TNS2: variants seen among roughly 807,000 people sequenced by gnomAD.
TNS2 encodes the protein tensin-2.
TNS2 carries 77 observed loss-of-function variants against 155.7 expected under a neutral mutation model. The observed-to-expected ratio is 0.49, with a 90% confidence interval of 0.41 to 0.60. The LOEUF (loss-of-function observed/expected upper bound fraction) is 0.60, where lower values mean the gene tolerates loss of function less well. Ranked by LOEUF, TNS2 falls within the 20% of genes least tolerant of loss-of-function variation. The pLI is 0.00. For missense variants in TNS2, 1,703 were observed against 1,868.8 expected, an observed-to-expected ratio of 0.91 and a Z score of 1.64; for synonymous variants, 726 against 763.9, an observed-to-expected ratio of 0.95 and a Z score of 0.82.
chr12:53,051,884 G>A lies in TNS2; in HGVS notation c.105G>A (p.Arg35=). 6.2e-7 allele frequency: 1 copy of A among 1,613,686 alleles called. No homozygotes were observed. Among genetic ancestry groups the A allele is most frequent in the Non-Finnish European group, 8.5e-7 (1 of 1,179,786 alleles). The change falls in exon 2 of 29, where the codon CGG becomes CGA. Residue 35 remains arginine, a synonymous_variant. Coordinates refer to ENST00000314250, the MANE Select transcript of TNS2 (RefSeq NM_170754.4). ...RPRKAEPHSF[R]EKVFRKKPPV... is the part of the protein sequence containing the mutation. ...GGAAAGCTGAGCCTCATAGCTTCCG[G>A]GAGAAGGTTTTCCGGAAGAAACCTC... is the stretch of plus-strand genomic sequence containing the variant.
chr12:53,061,596 G>A (rs1261810697), intron 21 of TNS2, 127 bp downstream of exon 21: 5 of 1,325,834 alleles, frequency 3.8e-6, no homozygotes, highest in Non-Finnish European at 5.2e-6. Flanking sequence ...TTGGCTGAGT[G>A]TTTACCAGCA....
At position 53,058,801 on chromosome 12, in the gene TNS2, A is replaced by G. The variant is rs535274545; in HGVS notation, c.1379A>G (p.Asn460Ser). ...CGCTGGGACTCCTATGAGAACTTCA[A>G]CCAGCACCACGAGGACAGTGTGGAT... ...AVRWDSYENF[N>S]QHHEDSVDGS... Residue 460 changes from asparagine (N) to serine (S), a missense_variant, in exon 17 of 29, where the codon AAC (asparagine) becomes AGC (serine). Coordinates refer to ENST00000314250, the MANE Select transcript of TNS2 (RefSeq NM_170754.4). The G allele has an allele frequency of 5.8e-5, 93 of 1,613,768 alleles. No homozygotes were observed. The highest frequency in any genetic ancestry group is 4.2e-4 in the South Asian group (38 of 91,076).
Position 53,052,460 on chromosome 12 carries a change from A to C in TNS2, c.190A>C (p.Lys64Gln). 1 of 1,613,884 alleles carries C rather than the reference A, an allele frequency of 6.2e-7. No individual in the cohort carries two copies. Among genetic ancestry groups the C allele is most frequent in the Non-Finnish European group, 8.5e-7 (1 of 1,179,866 alleles). Reference protein sequence around the residue: ...DGTGVSCRVCKVATHRKCEAK... With the variant: ...DGTGVSCRVCQVATHRKCEAK... ...CCTCCCCTTACCTTCCCTAGTCTGC[A>C]AGGTGGCGACGCACAGAAAATGTGA... The change falls in exon 3 of 29, where the codon AAG becomes CAG. Residue 64 changes from lysine to glutamine, a missense_variant. Lys to Gln is a moderately conservative substitution (Grantham distance 53, BLOSUM62 1). Coordinates refer to ENST00000314250, the MANE Select transcript of TNS2 (RefSeq NM_170754.4).
rs1248672894 is a variant in TNS2, at chr12:53,054,253, A to G, written c.351-17A>G. The G allele has an allele frequency of 6.2e-6, 10 of 1,611,176 alleles. No homozygotes were observed. Among genetic ancestry groups the G allele is most frequent in the Non-Finnish European group, 8.5e-6 (10 of 1,179,472 alleles). On this transcript the variant is annotated splice_polypyrimidine_tract_variant and intron_variant, in intron 6 of 28. Coordinates refer to ENST00000314250, the MANE Select transcript of TNS2 (RefSeq NM_170754.4). ...GTGCCCCGCCCCTGCGTTCATGCGT[A>G]GGCTCCTCCTCCCCAGGAGCTTCAG...
At chr12:53,056,978 T>A (rs1944182306) in intron 10 of TNS2, 35 bp from the exon 11 acceptor site, 2 of 1,595,822 alleles carry the variant, frequency 1.3e-6, no homozygotes, top group African/African-American at 1.3e-5. Context: ...TGAAGATTAA[T>A]CCCTAATCCC....
intron 7 of TNS2, 125 bp downstream of exon 7, chr12:53,054,566 G>C (rs574399731): frequency 1.7e-6 from 2 of 1,206,242 alleles, no homozygotes; most frequent in African/African-American, 1.6e-5. Flanking sequence ...GTGGTGGGGT[G>C]GGGGCGGGGC....
In TNS2 at chr12:53,057,054, G is replaced by A. The variant is rs756573784; in HGVS notation, c.803G>A (p.Cys268Tyr). 2 of 1,613,808 alleles carry A rather than the reference G, an allele frequency of 1.2e-6. No homozygotes were observed. Among genetic ancestry groups the A allele is most frequent in the Non-Finnish European group, 1.7e-6 (2 of 1,179,930 alleles). Residue 268 changes from cysteine to tyrosine, a missense_variant, in exon 11 of 29, where the codon TGC becomes TAC. Coordinates refer to ENST00000314250, the MANE Select transcript of TNS2 (RefSeq NM_170754.4). ...ALATLTMRKF[C>Y]EDKVATELQP... ...GCCACTCTTACCATGCGGAAATTCT[G>A]CGAGGACAAGGTGGCCACAGAACTG...
intron 25 of TNS2, 142 bp downstream of exon 25, chr12:53,062,839 G>C: frequency 9.2e-7 from 1 of 1,089,330 alleles, no homozygotes; most frequent in Non-Finnish European, 1.3e-6. Flanking sequence ...TACTGTCGGG[G>C]ATGAGGAATT....
chr12:53,061,659 CTG>C, intron 21 of TNS2, 154 bp from the exon 22 acceptor site: 3 of 1,404,710 alleles, frequency 2.1e-6, no homozygotes, highest in Non-Finnish European at 2.9e-6. Flanking sequence ...GTCAAAACCC[CTG>C]TGAACTCTAG....
At chr12:53,047,756 G>A (rs1378682836), upstream of TNS2, among the ~76,000 whole-genome samples, 1 of 152,152 alleles carries the variant, frequency 6.6e-6, no homozygotes. Flanking sequence ...TTCACATGTG[G>A]GACAGAGGCC....
At position 53,059,573 on chromosome 12, in the gene TNS2, C is replaced by T; in HGVS notation, c.1932C>T (p.Cys644=). The T allele has an allele frequency of 6.2e-7, 1 of 1,601,118 alleles. No individual in the cohort carries two copies. Among genetic ancestry groups the T allele is most frequent in the Non-Finnish European group, 8.5e-7 (1 of 1,174,238 alleles). ...AEASMEKRRL[C]RSLSEGLYPY... ...CCTCGATGGAGAAGAGGCGCCTCTG[C>T]CGATCGCTGTCAGAGGGGCTATACC... Residue 644 remains cysteine (C), a synonymous_variant, in exon 18 of 29, where the codon TGC becomes TGT. Coordinates refer to ENST00000314250, the MANE Select transcript of TNS2 (RefSeq NM_170754.4). This position sits in a 1 kb window ranked among gnomAD's most constrained non-coding sequence, Gnocchi z 4.7.
rs142840179 is a variant in TNS2 at position 53,058,017 on chromosome 12, C to G, written c.1020-10C>G. ...CTGGTTCATCTCTGCCTTCTCCTCT[C>G]TCCCCACAGTCACATTGCAGGCCCT... On this transcript the variant is annotated splice_polypyrimidine_tract_variant and intron_variant, in intron 13 of 28. Transcript: ENST00000314250. 36 of 1,614,104 alleles carry G rather than the reference C, an allele frequency of 2.2e-5. No homozygotes were observed. The African/African-American group carries it at 4.7e-4, about 21-fold the overall frequency.
At chr12:53,047,965 G>T (rs573264398), upstream of TNS2, among the ~76,000 whole-genome samples, 31 of 152,216 alleles carry the variant, frequency 2.0e-4, 1 homozygote, top group Non-Finnish European at 4.0e-4. Context: ...TCCAGAAAGG[G>T]GGGTGTGGGT....
chr12:53,050,381 T>C lies in TNS2; in HGVS notation c.75+121T>C, dbSNP rs936153770. ...TTTCAGCTTCCTCAGCCTTCTTCCC[T>C]GGCCCAGCATCCCCTCCGGAGTGGC... On this transcript the variant is annotated intron_variant, in intron 1 of 28. Transcript: ENST00000314250. This position sits in a 1 kb window ranked among gnomAD's most constrained non-coding sequence, Gnocchi z 4.7. 5 of 1,182,804 alleles carry C rather than the reference T, an allele frequency of 4.2e-6. No homozygotes were observed. The Middle Eastern group carries it at 7.1e-4, about 169-fold the overall frequency. 73.3% of individuals were successfully genotyped at this position (1,182,804 alleles called of 1,614,324 possible).
upstream of TNS2, chr12:53,050,016 G>T (rs758246396): frequency 9.9e-6 from 14 of 1,413,952 alleles, no homozygotes; most frequent in Non-Finnish European, 1.2e-5. The surrounding 1 kb of genome is among the most constrained non-coding windows in gnomAD (Gnocchi z 4.7). Context: ...CCCCCTTCCC[G>T]CCTGCACTTC....
chr12:53,055,224 C>T lies in TNS2; in HGVS notation c.561C>T (p.Arg187=). 1 of 1,614,042 alleles carries T rather than the reference C, an allele frequency of 6.2e-7. No homozygotes were observed. The highest frequency in any genetic ancestry group is 2.2e-5 in the East Asian group (1 of 44,872). ...NLSEKRHDLT[R]LNPKVQDFGW... ...CAGAGAAAAGGCATGACCTGACCCG[C>T]TTAAACCCCAAGGTATGAAGGAAAT... Residue 187 remains arginine (R), a synonymous_variant, in exon 8 of 29, where the codon CGC becomes CGT. Coordinates refer to ENST00000314250, the MANE Select transcript of TNS2 (RefSeq NM_170754.4).
intron 13 of TNS2, 39 bp from the exon 14 acceptor site, chr12:53,057,988 G>A (rs1944219990): frequency 1.2e-6 from 2 of 1,613,374 alleles, no homozygotes; most frequent in African/African-American, 1.3e-5. Context: ...GCACGCAGGA[G>A]CTTCTGGTTC....
In TNS2 at chr12:53,059,545, A is replaced by C. The variant is rs1358685746; in HGVS notation, c.1904A>C (p.Glu635Ala). Residue 635 changes from glutamate to alanine, a missense_variant, in exon 18 of 29, where the codon GAG becomes GCG. Glu to Ala is a moderately radical substitution (Grantham distance 107). Coordinates refer to ENST00000314250, the MANE Select transcript of TNS2 (RefSeq NM_170754.4). This position sits in a 1 kb window ranked among gnomAD's most constrained non-coding sequence, Gnocchi z 4.7. The part of the protein sequence containing the change: ...GYEGSPQGYA[E>A]ASMEKRRLCR... ...GAGGGATCCCCCCAGGGCTACGCCG[A>C]GGCCTCGATGGAGAAGAGGCGCCTC... The C allele has an allele frequency of 6.3e-7, 1 of 1,592,814 alleles. No individual in the cohort carries two copies.
Position 53,054,280 on chromosome 12 carries a change from C to G in TNS2, c.361C>G (p.Leu121Val), listed in dbSNP as rs200465390. ...GCTCCTCCTCCCCAGGAGCTTCAGC[C>G]TGGACCCGCTCATGGAGCGGCGCTG... ...QRSTLPRSFS[L>V]DPLMERRWDL... Residue 121 changes from leucine to valine, a missense_variant, in exon 7 of 29, where the codon CTG becomes GTG. Physicochemically the swap from Leu to Val is conservative, Grantham distance 32 (BLOSUM62 1). Coordinates refer to ENST00000314250, the MANE Select transcript of TNS2 (RefSeq NM_170754.4). 11 of 1,613,052 alleles carry G rather than the reference C, an allele frequency of 6.8e-6. No homozygotes were observed. The highest frequency in any genetic ancestry group is 9.3e-6 in the Non-Finnish European group (11 of 1,179,924).
Sources: allele counts gnomAD v4.1 joint callset (sites outside exome capture counted in the v4.1 genomes callset), GRCh38; gene constraint gnomAD v4.1.1; non-coding constraint Gnocchi (gnomAD v3.1); transcripts MANE v1.5; gene names NCBI Gene and HGNC (gene_info 2026-07-23, HGNC 2026-07-21).